TLR7: variants seen among roughly 807,000 people sequenced by gnomAD.
TLR7 encodes toll-like receptor 7.
In TLR7, 12 loss-of-function variants were observed where a neutral mutation model predicts 38.3. The ratio of observed to expected loss-of-function variants is 0.31; its 90% confidence interval spans 0.20 to 0.51. TLR7 has a LOEUF of 0.51. Among genes scored for constraint, TLR7 ranks in the 20% least tolerant of loss-of-function variants. The pLI is 0.98. For missense variants in TLR7, 504 were observed against 743.4 expected (o/e 0.68, Z 3.74); for synonymous variants, 285 against 293.8 (o/e 0.97, Z 0.31).
At chrX:12,883,246 C>T (rs2042898577) in intron 2 of TLR7, among the ~76,000 whole-genome samples, 1 of 112,371 alleles carries the variant, frequency 8.9e-6, no homozygotes, top group South Asian at 3.7e-4. Flanking sequence ...TTAAGGGCTT[C>T]CTGTACCCAC....
intron 2 of TLR7, among the ~76,000 whole-genome samples, chrX:12,872,698 C>T (rs1238794095): frequency 4.5e-5 from 5 of 110,652 alleles, no homozygotes; most frequent in Non-Finnish European, 7.5e-5. Context: ...CCTCTCCTTA[C>T]GTTCTTCCAA....
At chrX:12,867,696 G>A in intron 2 of TLR7, 115 bp downstream of exon 2, 1 of 727,056 alleles carries the variant, frequency 1.4e-6, no homozygotes, top group Non-Finnish European at 2.1e-6. Flanking sequence ...TTTGCTGGGG[G>A]AAAGTGCTTC....
intron 2 of TLR7, among the ~76,000 whole-genome samples, chrX:12,872,345 A>G (rs5743736): frequency 5.4e-5 from 6 of 111,683 alleles, no homozygotes; most frequent in Admixed American, 9.5e-5. Context: ...GGTGACTGCG[A>G]CTGGAATCAC....
chrX:12,884,975 C>T (rs2042904889), intron 2 of TLR7, among the ~76,000 whole-genome samples: 1 of 113,048 alleles, frequency 8.8e-6, no homozygotes, highest in African/African-American at 3.2e-5. Flanking sequence ...CCACTTACTA[C>T]TGGGTAACCT....
chrX:12,880,560 G>C (rs759963132), intron 2 of TLR7, among the ~76,000 whole-genome samples: 3 of 112,278 alleles, frequency 2.7e-5, no homozygotes, highest in South Asian at 3.7e-4. Flanking sequence ...AGATAGAAGA[G>C]ACAGAAATCT....
At position 12,889,081 on chromosome X, in the gene TLR7, C is replaced by T. The variant is rs1434374607; in HGVS notation, c.*423C>T. On this transcript the variant is annotated 3_prime_UTR_variant, in exon 3 of 3. Coordinates refer to ENST00000380659, the MANE Select transcript of TLR7 (RefSeq NM_016562.4). ...TCTCTCTATATGAGACCAAAATGTA[C>T]TAGAGTTAGTTTAGTGAAATAAAAA... 8.6e-6 allele frequency: 1 copy of T among 115,937 alleles called. No homozygotes were observed. The highest frequency in any genetic ancestry group is 1.8e-5 in the Non-Finnish European group (1 of 56,262). 9.6% of individuals were successfully genotyped at this position (115,937 alleles called of 1,213,427 possible). A position where few individuals can be genotyped will look rare whatever the true frequency, so the allele number is the denominator to read the frequency against.
chrX:12,868,691 G>T (rs1315541816), intron 2 of TLR7, among the ~76,000 whole-genome samples: 4 of 111,434 alleles, frequency 3.6e-5, no homozygotes, highest in African/African-American at 9.8e-5. Flanking sequence ...AACTTAGTCG[G>T]AAAAAGACGT....
At chrX:12,879,827 A>C (rs1214319647) in intron 2 of TLR7, among the ~76,000 whole-genome samples, 9 of 112,053 alleles carry the variant, frequency 8.0e-5, no homozygotes, top group Non-Finnish European at 1.1e-4. Context: ...CTACAAATGG[A>C]GGTTCTGTCA....
Position 12,887,690 on chromosome X carries a change from C to T in TLR7, c.2182C>T (p.Leu728=). 2.0e-5 allele frequency: 24 copies of T among 1,211,505 alleles called. No homozygotes were observed. The highest frequency in any genetic ancestry group is 2.7e-5 in the Non-Finnish European group (24 of 895,458). ...LSNCSRSLKN[L]ILKNNQIRSL... ...CAACTGTTCCAGAAGCCTCAAGAATCTGATTCTTAAGAATAATCAAATCAG... is the reference window on the plus strand; with the variant it reads ...CAACTGTTCCAGAAGCCTCAAGAATTTGATTCTTAAGAATAATCAAATCAG... Residue 728 remains leucine, a synonymous_variant, in exon 3 of 3, where the codon CTG becomes TTG. Coordinates refer to ENST00000380659, the MANE Select transcript of TLR7 (RefSeq NM_016562.4).
chrX:12,867,193 G>A (rs2042837020), intron 1 of TLR7, 70 bp downstream of exon 1: 1 of 135,469 alleles, frequency 7.4e-6, no homozygotes. Context: ...TAAGGAAGTG[G>A]GGAGGAGAGA....
Position 12,886,930 on chromosome X carries a change from T to C in TLR7, c.1422T>C (p.Ser474=), listed in dbSNP as rs187773336. 1 of 1,208,508 alleles carries C rather than the reference T, an allele frequency of 8.3e-7. No individual in the cohort carries two copies. The highest frequency in any genetic ancestry group is 1.8e-5 in the African/African-American group (1 of 57,140). ...TCAGATATGATAAGTATGCAAGGAG[T>C]TGCAGATTCAAAAACAAAGAGGCTT... is the stretch of plus-strand genomic sequence containing the variant. The part of the protein sequence containing the change: ...HYFRYDKYAR[S]CRFKNKEASF... The change falls in exon 3 of 3, where the codon AGT becomes AGC. Residue 474 remains serine (S), a synonymous_variant. Coordinates refer to ENST00000380659, the MANE Select transcript of TLR7 (RefSeq NM_016562.4).
rs1288901485 is a variant in TLR7 at position 12,886,668 on chromosome X, G to C, written c.1160G>C (p.Ser387Thr). 5.0e-6 allele frequency: 6 copies of C among 1,210,256 alleles called. No individual in the cohort carries two copies. The highest frequency in any genetic ancestry group is 6.7e-6 in the Non-Finnish European group (6 of 895,100). Residue 387 changes from serine to threonine, a missense_variant, in exon 3 of 3, where the codon AGC (serine) becomes ACC (threonine). By Grantham distance (58) the Ser-to-Thr change is moderately conservative. Coordinates refer to ENST00000380659, the MANE Select transcript of TLR7 (RefSeq NM_016562.4). ...GGATATGTCTTTAAAGAGTTGAAAA[G>C]CTTTAACCTCTCGCCATTACATAAT... ...IRGYVFKELK[S>T]FNLSPLHNLQ... is the part of the protein sequence containing the mutation.
intron 2 of TLR7, among the ~76,000 whole-genome samples, chrX:12,882,623 G>C (rs1028300382): frequency 5.4e-5 from 6 of 111,770 alleles, no homozygotes; most frequent in African/African-American, 9.8e-5. Flanking sequence ...ATTGACAAAT[G>C]CTACAAATCA....
At chrX:12,867,699 A>T in intron 2 of TLR7, 118 bp downstream of exon 2, 1 of 710,107 alleles carries the variant, frequency 1.4e-6, no homozygotes. Context: ...GCTGGGGGAA[A>T]GTGCTTCCTG....
rs756430358 is a variant in TLR7 at position 12,886,175 on chromosome X, T to C, written c.667T>C (p.Leu223=). Residue 223 remains leucine, a synonymous_variant, in exon 3 of 3, where the codon TTG becomes CTG. Transcript: ENST00000380659. ...DNNVTAVPTV[L]PSTLTELYLY... is the part of the protein sequence containing the mutation. ...CAATGTCACAGCCGTCCCTACTGTT[T>C]TGCCATCTACTTTAACAGAACTATA... 3.3e-6 allele frequency: 4 copies of C among 1,210,124 alleles called. No individual in the cohort carries two copies. Among genetic ancestry groups the C allele is most frequent in the Middle Eastern group, 2.3e-4 (1 of 4,354 alleles).
chrX:12,886,497 T>C lies in TLR7; in HGVS notation c.989T>C (p.Ile330Thr), dbSNP rs1381988937. ...TCCCAAAACTTCTTGGCCAAAGAAA[T>C]TGGGGATGCTAAATTTCTGCATTTT... ...DLSQNFLAKE[I>T]GDAKFLHFLP... Residue 330 changes from isoleucine (I) to threonine (T), a missense_variant, in exon 3 of 3, where the codon ATT (isoleucine) becomes ACT (threonine). Ile to Thr is a moderately conservative substitution (Grantham distance 89, BLOSUM62 -1). Transcript: ENST00000380659. 1 of 1,211,874 alleles carries C rather than the reference T, an allele frequency of 8.3e-7. No individual in the cohort carries two copies. The highest frequency in any genetic ancestry group is 1.1e-6 in the Non-Finnish European group (1 of 895,528).
At chrX:12,877,342 T>TTTC (rs1444832670) in intron 2 of TLR7, 1 of 108,773 alleles carries the variant, frequency 9.2e-6, no homozygotes, top group African/African-American at 3.4e-5. Context: ...TTTTTTTTTT[T>TTTC]TTCCAACCTG....
chrX:12,886,316 T>A lies in TLR7; in HGVS notation c.808T>A (p.Cys270Ser). ...CPRCYNAPFPCAPCKNNSPLQ... is the reference protein window; with the variant it reads ...CPRCYNAPFPSAPCKNNSPLQ... ...TCGTTGTTATAATGCCCCATTTCCT[T>A]GTGCGCCGTGTAAAAATAATTCTCC... is the stretch of plus-strand genomic sequence containing the variant. The change falls in exon 3 of 3, where the codon TGT becomes AGT. Residue 270 changes from cysteine to serine, a missense_variant. Transcript: ENST00000380659. The A allele has an allele frequency of 8.3e-7, 1 of 1,211,907 alleles. No homozygotes were observed. Among genetic ancestry groups the A allele is most frequent in the Non-Finnish European group, 1.1e-6 (1 of 895,444 alleles).
chrX:12,869,597 G>A (rs976735112), intron 2 of TLR7, among the ~76,000 whole-genome samples: 1 of 110,264 alleles, frequency 9.1e-6, no homozygotes, highest in Non-Finnish European at 1.9e-5. Context: ...GAGGAGGGTG[G>A]GGCAGGAGAG....
Sources: gnomAD v4.1 joint callset for allele counts (sites outside exome capture counted in the v4.1 genomes callset) on GRCh38, gnomAD v4.1.1 for gene constraint, MANE v1.5 for transcripts, NCBI Gene and HGNC (gene_info 2026-07-23, HGNC 2026-07-21) for gene names.